EFCAB5: variants seen among roughly 807,000 people sequenced by gnomAD.
The protein encoded by EFCAB5 is EF-hand calcium-binding domain-containing protein 5.
A neutral mutation model predicts 167.9 loss-of-function variants in EFCAB5; 131 were observed. The ratio of observed to expected loss-of-function variants is 0.78; its 90% CI spans 0.68 to 0.90. The LOEUF is 0.90. EFCAB5 is among the 40% of genes least tolerant of loss of function. The pLI is 0.00. For synonymous variants in EFCAB5, 574 were observed against 602.8 expected (o/e 0.95, Z 0.70); for missense variants, 1,663 against 1,745.2 (o/e 0.95, Z 0.84).
At chr17:30,052,444 G>A (rs2070129651) in intron 9 of EFCAB5, among the ~76,000 whole-genome samples, 2 of 152,274 alleles carry the variant, frequency 1.3e-5, no homozygotes, top group Admixed American at 6.5e-5. Context: ...GGGATTACAG[G>A]CATTGAGCCA....
At chr17:29,930,517 T>C (rs1381406466) in intron 1 of EFCAB5, among the ~76,000 whole-genome samples, 2 of 152,002 alleles carry the variant, frequency 1.3e-5, no homozygotes, top group East Asian at 3.9e-4. Context: ...TTTTATGAGG[T>C]GGGGCGGCGC....
At position 30,034,828 on chromosome 17, in the gene EFCAB5, CCAAA is replaced by C. The variant is rs200932083; in HGVS notation, c.1200+446_1200+449del. ...AGTGAATGTGAAAAGGGAAACATGA[CCAAA>C]CACACTATTAACAATGTTTATAAGA... On this transcript the variant is annotated intron_variant, in intron 8 of 22. Transcript: ENST00000394835. Among the ~76,000 whole-genome samples, 4 of 152,024 alleles carry C rather than the reference CCAAA, an allele frequency of 2.6e-5. No homozygotes were observed. The East Asian group carries it at 7.7e-4, about 29-fold the overall frequency.
At chr17:29,949,044 G>A (rs2067458570) in intron 3 of EFCAB5, among the ~76,000 whole-genome samples, 1 of 152,160 alleles carries the variant, frequency 6.6e-6, no homozygotes, top group Non-Finnish European at 1.5e-5. Context: ...TACAGCTTAA[G>A]TAGCCCTGCT....
At chr17:29,987,172 A>C (rs937010796) in intron 4 of EFCAB5, among the ~76,000 whole-genome samples, 1 of 152,106 alleles carries the variant, frequency 6.6e-6, no homozygotes, top group Middle Eastern at 3.2e-3. Context: ...CACTTTCCTC[A>C]GGTTTTCTTC....
intron 14 of EFCAB5, among the ~76,000 whole-genome samples, chr17:30,063,997 A>C (rs1296426046): frequency 6.6e-6 from 1 of 152,182 alleles, no homozygotes; most frequent in Non-Finnish European, 1.5e-5. Flanking sequence ...CTAGCACACA[A>C]AATTTCAACT....
At chr17:30,098,833 G>A (rs945632612) in intron 22 of EFCAB5, among the ~76,000 whole-genome samples, 4 of 152,252 alleles carry the variant, frequency 2.6e-5, no homozygotes, top group Middle Eastern at 3.4e-3. Flanking sequence ...TCTAGCTCCT[G>A]GGAGCCACTA....
At chr17:30,074,950 T>C (rs1019202191) in intron 14 of EFCAB5, among the ~76,000 whole-genome samples, 4 of 152,144 alleles carry the variant, frequency 2.6e-5, no homozygotes, top group Admixed American at 1.3e-4. Flanking sequence ...TGTGTGTGTG[T>C]GCGTGCATGC....
chr17:30,047,353 G>A (rs1300313249), intron 8 of EFCAB5, among the ~76,000 whole-genome samples: 1 of 152,130 alleles, frequency 6.6e-6, no homozygotes, highest in Non-Finnish European at 1.5e-5. Flanking sequence ...TTAACGAGGG[G>A]AGCACCAATA....
chr17:29,998,193 A>G (rs2068587325), intron 6 of EFCAB5, among the ~76,000 whole-genome samples: 1 of 152,188 alleles, frequency 6.6e-6, no homozygotes, highest in Non-Finnish European at 1.5e-5. Context: ...ACATTTTCCA[A>G]AAACCGTAAT....
intron 17 of EFCAB5, among the ~76,000 whole-genome samples, chr17:30,081,842 A>C (rs562093969): frequency 1.8e-3 from 275 of 152,310 alleles, no homozygotes; most frequent in Non-Finnish European, 3.3e-3. Context: ...AAAATGGAGG[A>C]GTATGGAGTT....
At chr17:29,935,106 A>G (rs1177859838) in intron 1 of EFCAB5, among the ~76,000 whole-genome samples, 1 of 152,250 alleles carries the variant, frequency 6.6e-6, no homozygotes, top group African/African-American at 2.4e-5. Flanking sequence ...CATAATTATA[A>G]GTATAAATTA....
chr17:30,101,895 G>C (rs1210830034), intron 22 of EFCAB5, among the ~76,000 whole-genome samples: 1 of 152,234 alleles, frequency 6.6e-6, no homozygotes, highest in East Asian at 1.9e-4. Flanking sequence ...AGGATGGGCT[G>C]TTGTTAGAGT....
chr17:30,028,910 T>C (rs1387979274), intron 7 of EFCAB5, among the ~76,000 whole-genome samples: 1 of 152,172 alleles, frequency 6.6e-6, no homozygotes, highest in African/African-American at 2.4e-5. Flanking sequence ...GCCCACCCTA[T>C]TGACCTCATT....
chr17:30,060,763 G>C (rs1187713572), intron 14 of EFCAB5, among the ~76,000 whole-genome samples: 1 of 152,154 alleles, frequency 6.6e-6, no homozygotes, highest in Non-Finnish European at 1.5e-5. Context: ...AATTCCAAAA[G>C]GCATAATGAT....
At chr17:29,942,404 A>T (rs1044974473) in intron 2 of EFCAB5, 102 bp downstream of exon 2, 1 of 1,127,356 alleles carries the variant, frequency 8.9e-7, no homozygotes, top group Non-Finnish European at 1.2e-6. Flanking sequence ...CAAAAAGATA[A>T]CTAAAATTGC....
At chr17:30,078,094 C>T in intron 14 of EFCAB5, 121 bp from the exon 15 acceptor site, 1 of 1,069,870 alleles carries the variant, frequency 9.3e-7, no homozygotes, top group African/African-American at 1.6e-5. Context: ...CTTTGGTATA[C>T]TTGGTTTTCC....
Position 29,969,309 on chromosome 17 carries a change from T to C in EFCAB5, c.709T>C (p.Leu237=), listed in dbSNP as rs9897794. The change falls in exon 4 of 23, where the codon TTG becomes CTG. Residue 237 remains leucine (L), a synonymous_variant. Transcript: ENST00000394835. ...KDPGMSGYQR[L]MKEVTEDLKI... Reference sequence around the variant, plus strand: ...CCCAGGAATGTCTGGTTACCAGAGGTTGATGAAAGAAGTCACAGAAGACCT... The same window carrying C: ...CCCAGGAATGTCTGGTTACCAGAGGCTGATGAAAGAAGTCACAGAAGACCT... 8.1e-6 allele frequency: 13 copies of C among 1,611,028 alleles called. No individual in the cohort carries two copies. Among genetic ancestry groups the C allele is most frequent in the Non-Finnish European group, 1.0e-5 (12 of 1,178,860 alleles).
chr17:30,107,599 A>T (rs1479344453), intron 22 of EFCAB5, among the ~76,000 whole-genome samples: 1 of 152,160 alleles, frequency 6.6e-6, no homozygotes, highest in Non-Finnish European at 1.5e-5. Flanking sequence ...ATATTTTGAG[A>T]TTTATTCATG....
intron 13 of EFCAB5, 123 bp downstream of exon 13, chr17:30,058,013 C>A: frequency 1.2e-6 from 1 of 801,868 alleles, no homozygotes; most frequent in Non-Finnish European, 1.9e-6. Context: ...CACTTTCTTT[C>A]AACAAGCATA....
Sources: gnomAD v4.1 joint callset for allele counts (sites outside exome capture counted in the v4.1 genomes callset) on GRCh38, gnomAD v4.1.1 for gene constraint, MANE v1.5 for transcripts, NCBI Gene and HGNC (gene_info 2026-07-23, HGNC 2026-07-21) for gene names.